DOK6: variants seen among roughly 807,000 people sequenced by gnomAD.
DOK6 encodes docking protein 6.
Under a neutral mutation model 44.0 loss-of-function variants are expected in DOK6, and 22 were observed. That is an observed-to-expected ratio of 0.50 (90% CI 0.36 to 0.71). The LOEUF is 0.71. Ranked by LOEUF, DOK6 falls within the 30% of genes least tolerant of loss-of-function variation. The pLI, the probability that DOK6 is intolerant of heterozygous loss-of-function variation, is 0.00. For synonymous variants in DOK6, 166 were observed against 145.5 expected, an observed-to-expected ratio of 1.14 and a Z score of -1.01; for missense variants, 340 against 416.4, an observed-to-expected ratio of 0.82 and a Z score of 1.60.
chr18:69,729,370 A>G (rs1027279980), intron 5 of DOK6, among the ~76,000 whole-genome samples: 4 of 152,176 alleles, frequency 2.6e-5, no homozygotes, highest in Non-Finnish European at 5.9e-5. Context: ...ATTAGCATCA[A>G]TTAAGAAATT....
chr18:69,441,711 A>G (rs1051874817), intron 1 of DOK6, among the ~76,000 whole-genome samples: 1 of 152,168 alleles, frequency 6.6e-6, no homozygotes, highest in African/African-American at 2.4e-5. Context: ...TAATATAAAT[A>G]TCAATAGCCA....
chr18:69,476,328 G>A (rs1980260962), intron 1 of DOK6, among the ~76,000 whole-genome samples: 1 of 152,178 alleles, frequency 6.6e-6, no homozygotes, highest in Non-Finnish European at 1.5e-5. Flanking sequence ...ATATACATAA[G>A]AGTAAAACAT....
chr18:69,603,627 C>T (rs1237537684), intron 3 of DOK6, among the ~76,000 whole-genome samples: 1 of 151,976 alleles, frequency 6.6e-6, no homozygotes, highest in Non-Finnish European at 1.5e-5. Context: ...AAAAATTAGC[C>T]GGGTGTGGTG....
intron 1 of DOK6, among the ~76,000 whole-genome samples, chr18:69,494,753 G>C (rs1550599): frequency 0.45 from 68,716 of 152,032 alleles, 15,963 homozygotes; most frequent in African/African-American, 0.49. Flanking sequence ...AAACTTAAAT[G>C]ATATAATTAC....
intron 7 of DOK6, among the ~76,000 whole-genome samples, chr18:69,794,742 C>T (rs1194156869): frequency 1.3e-5 from 2 of 152,188 alleles, no homozygotes; most frequent in Non-Finnish European, 2.9e-5. Context: ...TTTGCAGCCG[C>T]TCCCCATCAC....
Position 69,739,483 on chromosome 18 carries a change from T to C in DOK6, c.738+380T>C, listed in dbSNP as rs539856296. ...AAGTTCTCACCAGGAAGGGTTCCACTTTATTTTTTAACCTTTATGTTTATC... is the reference window on the plus strand; with the variant it reads ...AAGTTCTCACCAGGAAGGGTTCCACCTTATTTTTTAACCTTTATGTTTATC... On this transcript the variant is annotated intron_variant, in intron 6 of 7. Transcript: ENST00000382713. Among the ~76,000 whole-genome samples, 8 of 152,318 alleles carry C rather than the reference T, an allele frequency of 5.3e-5. No individual in the cohort carries two copies. In the South Asian group the frequency reaches 1.0e-3, roughly 20 times the overall value.
At chr18:69,809,953 T>C (rs1016447663) in intron 7 of DOK6, among the ~76,000 whole-genome samples, 1 of 151,908 alleles carries the variant, frequency 6.6e-6, no homozygotes. Context: ...AAAATTCCAA[T>C]GACATTTTTT....
At chr18:69,511,680 T>G (rs1026694657) in intron 1 of DOK6, among the ~76,000 whole-genome samples, 3 of 152,236 alleles carry the variant, frequency 2.0e-5, no homozygotes, top group Admixed American at 6.5e-5. Flanking sequence ...TAACGGTTAT[T>G]ACAGACCAAT....
chr18:69,685,523 G>A (rs983569147), intron 4 of DOK6, among the ~76,000 whole-genome samples: 4 of 152,186 alleles, frequency 2.6e-5, no homozygotes, highest in Admixed American at 6.5e-5. Flanking sequence ...TGGGATGTGC[G>A]TGAACATCTC....
chr18:69,664,911 G>A (rs778357415), intron 3 of DOK6, among the ~76,000 whole-genome samples: 5 of 152,158 alleles, frequency 3.3e-5, no homozygotes, highest in South Asian at 2.1e-4. Context: ...AGGTGCGATG[G>A]CTCACGCCTG....
At chr18:69,487,177 ATGTG>A (rs5825940) in intron 1 of DOK6, among the ~76,000 whole-genome samples, 24,043 of 139,960 alleles carry the variant, frequency 0.17, 1,907 homozygotes, top group South Asian at 0.26. Flanking sequence ...CTGATAGGAT[ATGTG>A]TGTGTGTGTG....
chr18:69,402,912 TG>T (rs1916131213), intron 1 of DOK6, among the ~76,000 whole-genome samples: 1 of 152,206 alleles, frequency 6.6e-6, no homozygotes, highest in African/African-American at 2.4e-5. Flanking sequence ...TCCAGGAGTC[TG>T]GTTGTTCCTC....
chr18:69,411,909 A>G (rs1036333462), intron 1 of DOK6, among the ~76,000 whole-genome samples: 1 of 152,126 alleles, frequency 6.6e-6, no homozygotes, highest in Non-Finnish European at 1.5e-5. Flanking sequence ...GATCTTCAAG[A>G]TAAATATTTT....
chr18:69,508,867 T>C (rs1728293091), intron 1 of DOK6, among the ~76,000 whole-genome samples: 1 of 152,226 alleles, frequency 6.6e-6, no homozygotes, highest in African/African-American at 2.4e-5. Flanking sequence ...CAGAGTCTGA[T>C]GGAAAGCTAT....
chr18:69,755,942 C>T (rs1979340075), intron 6 of DOK6, among the ~76,000 whole-genome samples: 1 of 152,236 alleles, frequency 6.6e-6, no homozygotes, highest in African/African-American at 2.4e-5. Context: ...AGATTGAACA[C>T]AAGGCCACCA....
intron 5 of DOK6, among the ~76,000 whole-genome samples, chr18:69,731,337 T>C (rs1190017366): frequency 1.3e-5 from 2 of 152,188 alleles, no homozygotes; most frequent in Admixed American, 6.5e-5. Context: ...ACATCTTCCA[T>C]TGAAAAAAGT....
chr18:69,787,153 T>C (rs146799758), intron 7 of DOK6, among the ~76,000 whole-genome samples: 60 of 152,210 alleles, frequency 3.9e-4, no homozygotes, highest in African/African-American at 1.3e-3. Flanking sequence ...GAGGCAGAGG[T>C]TGCAGTGAAC....
At chr18:69,715,950 A>T (rs1207726366) in intron 5 of DOK6, among the ~76,000 whole-genome samples, 1 of 152,212 alleles carries the variant, frequency 6.6e-6, no homozygotes, top group Non-Finnish European at 1.5e-5. Context: ...AATTGGCAAA[A>T]CTGTTCATTC....
chr18:69,691,837 G>C (rs1323410828), intron 4 of DOK6, among the ~76,000 whole-genome samples: 2 of 152,150 alleles, frequency 1.3e-5, no homozygotes, highest in Non-Finnish European at 1.5e-5. Flanking sequence ...AAGGGTAATA[G>C]GCTCCATGTC....
Sources: gnomAD v4.1 joint callset for allele counts (sites outside exome capture counted in the v4.1 genomes callset) on GRCh38, gnomAD v4.1.1 for gene constraint, MANE v1.5 for transcripts, NCBI Gene and HGNC (gene_info 2026-07-23, HGNC 2026-07-21) for gene names.